The following EPHA6 variants were observed in gnomAD, a reference collection of about 807,000 sequenced individuals.
EPHA6 encodes EPH receptor A6, also known as ephrin type-A receptor 6.
Under a neutral mutation model 112.0 loss-of-function variants are expected in EPHA6, and 50 were observed. The observed-to-expected ratio is 0.45, with a 90% CI of 0.36 to 0.56. EPHA6 has a LOEUF of 0.56. EPHA6 is among the 20% of genes least tolerant of loss of function. The pLI, the probability that EPHA6 is intolerant of heterozygous loss-of-function variation, is 0.00. For missense variants in EPHA6, 1,280 were observed against 1,417.4 expected, an observed-to-expected ratio of 0.90 and a Z score of 1.56; for synonymous variants, 529 against 490.7, an observed-to-expected ratio of 1.08 and a Z score of -1.03.
chr3:97,752,302 T>G lies in EPHA6; in HGVS notation c.*3601T>G, dbSNP rs1256345988. On this transcript the variant is annotated 3_prime_UTR_variant, in exon 18 of 18. Coordinates refer to ENST00000389672, the MANE Select transcript of EPHA6 (RefSeq NM_001080448.3). ...AGAAGAGACGGTAAAGAATGAATTC[T>G]TTTACTTATCACCCAACCACATTTC... The G allele has an allele frequency of 4.5e-6, 1 of 224,132 alleles. No homozygotes were observed. The highest frequency in any genetic ancestry group is 6.5e-5 in the East Asian group (1 of 15,438). The allele number at this position is 224,132 out of a possible 1,614,324, so 13.9% of individuals were successfully genotyped here. A position where few individuals can be genotyped will look rare whatever the true frequency, so the allele number is the denominator to read the frequency against.
chr3:97,068,886 C>T (rs1007818350), intron 3 of EPHA6, among the ~76,000 whole-genome samples: 1 of 152,140 alleles, frequency 6.6e-6, no homozygotes, highest in Non-Finnish European at 1.5e-5. Flanking sequence ...TATTGACACC[C>T]TGATTTCAGA....
At chr3:97,082,806 C>A (rs1372023089) in intron 3 of EPHA6, among the ~76,000 whole-genome samples, 5 of 151,820 alleles carry the variant, frequency 3.3e-5, no homozygotes, top group Non-Finnish European at 7.4e-5. Flanking sequence ...TTTTATTTGA[C>A]AAAATTGCCA....
chr3:97,549,290 C>T (rs2107704040), intron 11 of EPHA6, among the ~76,000 whole-genome samples: 1 of 151,936 alleles, frequency 6.6e-6, no homozygotes, highest in East Asian at 1.9e-4. Context: ...GTTTTGTGGC[C>T]CCTAAATGTG....
At chr3:96,952,375 G>C (rs1330034501) in intron 2 of EPHA6, among the ~76,000 whole-genome samples, 1 of 152,110 alleles carries the variant, frequency 6.6e-6, no homozygotes, top group Non-Finnish European at 1.5e-5. Flanking sequence ...GATCGTGAAG[G>C]CTTTACCCTC....
chr3:96,942,960 CCTAT>C (rs1259007544), intron 2 of EPHA6, among the ~76,000 whole-genome samples: 1 of 152,026 alleles, frequency 6.6e-6, no homozygotes, highest in Non-Finnish European at 1.5e-5. Context: ...ACTTATTCCT[CCTAT>C]CTAACTCTAA....
chr3:97,498,027 C>CAAA (rs201789571), intron 10 of EPHA6, among the ~76,000 whole-genome samples: 1 of 151,700 alleles, frequency 6.6e-6, no homozygotes, highest in African/African-American at 2.4e-5. Flanking sequence ...AACAAACAAA[C>CAAA]AAAAAAACAC....
chr3:97,276,274 GAGTC>G (rs1043849499), intron 5 of EPHA6, among the ~76,000 whole-genome samples: 6 of 152,176 alleles, frequency 3.9e-5, no homozygotes, highest in African/African-American at 1.2e-4. Context: ...ATCTGGGAAG[GAGTC>G]AGTCAGAGAG....
At chr3:97,538,496 G>C (rs1025608166) in intron 11 of EPHA6, among the ~76,000 whole-genome samples, 2 of 152,184 alleles carry the variant, frequency 1.3e-5, no homozygotes, top group African/African-American at 4.8e-5. Flanking sequence ...CCTGGAGCCT[G>C]AGTGGGCTGC....
intron 5 of EPHA6, among the ~76,000 whole-genome samples, chr3:97,389,203 G>A (rs922209938): frequency 6.6e-5 from 10 of 152,138 alleles, no homozygotes; most frequent in Non-Finnish European, 1.0e-4. Flanking sequence ...TAAAGCAAAT[G>A]ATATAATTCT....
intron 3 of EPHA6, among the ~76,000 whole-genome samples, chr3:97,186,808 C>A (rs1337441052): frequency 6.6e-6 from 1 of 152,072 alleles, no homozygotes; most frequent in Non-Finnish European, 1.5e-5. Flanking sequence ...TCAAATACAG[C>A]CAGTAGCATT....
chr3:96,932,234 A>G (rs570826909), intron 2 of EPHA6, among the ~76,000 whole-genome samples: 71 of 152,242 alleles, frequency 4.7e-4, no homozygotes, highest in Non-Finnish European at 7.1e-4. Context: ...TAAAGGTACT[A>G]TATTCATTCA....
chr3:97,746,331 A>G (rs929090254), intron 16 of EPHA6, among the ~76,000 whole-genome samples: 7 of 151,800 alleles, frequency 4.6e-5, no homozygotes, highest in Non-Finnish European at 1.0e-4. Context: ...AATTCTTTAA[A>G]TGATATATTT....
At chr3:97,253,975 C>A (rs537875850) in intron 5 of EPHA6, among the ~76,000 whole-genome samples, 5 of 151,918 alleles carry the variant, frequency 3.3e-5, no homozygotes, top group Non-Finnish European at 5.9e-5. Context: ...AGGGATTGCA[C>A]ATTTAGAATC....
Position 97,757,062 on chromosome 3 carries a change from A to T in EPHA6, c.*8361A>T, listed in dbSNP as rs1204988209. ...ACGTGCTATAGTAACCTCATTTTTTAAAAAAATCAGAGGCAAAGCAAGAAT... is the reference window on the plus strand; with the variant it reads ...ACGTGCTATAGTAACCTCATTTTTTTAAAAAATCAGAGGCAAAGCAAGAAT... On this transcript the variant is annotated 3_prime_UTR_variant, in exon 18 of 18. Coordinates refer to ENST00000389672, the MANE Select transcript of EPHA6 (RefSeq NM_001080448.3). Among the ~76,000 whole-genome samples, 1 of 151,804 alleles carries T rather than the reference A, an allele frequency of 6.6e-6. No individual in the cohort carries two copies.
intron 11 of EPHA6, among the ~76,000 whole-genome samples, chr3:97,591,597 T>G (rs1392459991): frequency 6.6e-6 from 1 of 152,188 alleles, no homozygotes; most frequent in Non-Finnish European, 1.5e-5. Flanking sequence ...GTGCAATTTT[T>G]GCCTTTGATT....
chr3:97,255,948 T>A (rs2079295986), intron 5 of EPHA6, among the ~76,000 whole-genome samples: 1 of 152,126 alleles, frequency 6.6e-6, no homozygotes, highest in African/African-American at 2.4e-5. Context: ...CTTAATATAA[T>A]TTTTGTCATC....
At chr3:97,671,409 T>G (rs2030810558) in intron 14 of EPHA6, among the ~76,000 whole-genome samples, 1 of 152,212 alleles carries the variant, frequency 6.6e-6, no homozygotes, top group Non-Finnish European at 1.5e-5. Context: ...CATAAGGAAG[T>G]AGTAATTGAG....
intron 2 of EPHA6, among the ~76,000 whole-genome samples, chr3:96,939,701 G>A (rs560892286): frequency 2.0e-5 from 3 of 152,278 alleles, no homozygotes; most frequent in Admixed American, 6.5e-5. Flanking sequence ...ATGTTAGGGT[G>A]TCAATTTAGG....
intron 2 of EPHA6, among the ~76,000 whole-genome samples, chr3:96,877,394 A>T (rs2037030647): frequency 6.6e-6 from 1 of 152,132 alleles, no homozygotes; most frequent in African/African-American, 2.4e-5. Context: ...ATAGCCTATA[A>T]GCCATTTAAG....
Sources: allele counts gnomAD v4.1 joint callset (sites outside exome capture counted in the v4.1 genomes callset), GRCh38; gene constraint gnomAD v4.1.1; transcripts MANE v1.5; gene names NCBI Gene and HGNC (gene_info 2026-07-23, HGNC 2026-07-21).